TET1: variants seen among roughly 807,000 people sequenced by gnomAD.
TET1 encodes tet methylcytosine dioxygenase 1, also known as methylcytosine dioxygenase TET1.
In TET1, 13 loss-of-function variants were observed where a neutral mutation model predicts 148.7. That is an observed-to-expected ratio of 0.09 (90% CI 0.06 to 0.14). TET1 has a LOEUF of 0.14. TET1 is among the 10% of genes least tolerant of loss of function. TET1 has a pLI of 1.00. For synonymous variants in TET1, 907 were observed against 937.2 expected (o/e 0.97, Z 0.59); for missense variants, 2,182 against 2,553.8 (o/e 0.85, Z 3.14).
chr10:68,561,990 C>G (rs79507237), intron 1 of TET1, among the ~76,000 whole-genome samples: 9,609 of 152,182 alleles, frequency 0.063, 769 homozygotes, highest in African/African-American at 0.19. Context: ...CCCTCCGTCC[C>G]GGTTCCACTC....
intron 3 of TET1, among the ~76,000 whole-genome samples, chr10:68,616,881 G>A (rs532954528): frequency 1.9e-3 from 278 of 149,254 alleles, no homozygotes; most frequent in Non-Finnish European, 2.3e-3. Context: ...CTAATTTTTT[G>A]TATTTTTAGT....
intron 3 of TET1, chr10:68,632,667 A>G: frequency 6.2e-7 from 1 of 1,600,796 alleles, no homozygotes; most frequent in Non-Finnish European, 8.6e-7. Context: ...AAAAGAAGAT[A>G]TTATATGAAG....
intron 11 of TET1, among the ~76,000 whole-genome samples, chr10:68,687,288 G>A (rs1250936908): frequency 6.6e-6 from 1 of 151,856 alleles, no homozygotes; most frequent in Non-Finnish European, 1.5e-5. Flanking sequence ...GGCTTGGCAC[G>A]CCTTGGCTTA....
intron 3 of TET1, among the ~76,000 whole-genome samples, chr10:68,636,105 A>C (rs2054646685): frequency 1.3e-5 from 2 of 152,204 alleles, no homozygotes; most frequent in African/African-American, 4.8e-5. Context: ...GTAGAATGAC[A>C]GTTTGAGGCA....
intron 10 of TET1, among the ~76,000 whole-genome samples, chr10:68,685,726 A>G (rs2055499584): frequency 6.6e-6 from 1 of 152,192 alleles, no homozygotes; most frequent in Admixed American, 6.5e-5. Context: ...ATTTAAGATG[A>G]AAAAAGTTGG....
chr10:68,677,678 T>C (rs2055379323), intron 8 of TET1, among the ~76,000 whole-genome samples: 1 of 152,116 alleles, frequency 6.6e-6, no homozygotes, highest in African/African-American at 2.4e-5. Context: ...AGACGGAGTT[T>C]CGGTCTTGCC....
intron 1 of TET1, among the ~76,000 whole-genome samples, chr10:68,570,091 C>T (rs898958463): frequency 6.6e-6 from 1 of 151,592 alleles, no homozygotes; most frequent in African/African-American, 2.4e-5. Flanking sequence ...ACATAGTACC[C>T]AAAAGTTTTT....
chr10:68,562,687 C>T (rs2053566723), intron 1 of TET1, among the ~76,000 whole-genome samples: 1 of 150,412 alleles, frequency 6.6e-6, no homozygotes, highest in Non-Finnish European at 1.5e-5. Context: ...TTAACTATCG[C>T]TCTCCGGGCT....
At chr10:68,599,591 C>T (rs995603680) in intron 2 of TET1, among the ~76,000 whole-genome samples, 5 of 152,174 alleles carry the variant, frequency 3.3e-5, no homozygotes, top group Non-Finnish European at 5.9e-5. Flanking sequence ...AGGTGTGTGT[C>T]GGGAGATGGT....
intron 2 of TET1, among the ~76,000 whole-genome samples, chr10:68,575,386 A>AAAATAAATAAAT (rs72033179): frequency 0.041 from 6,110 of 148,766 alleles, 293 homozygotes; most frequent in African/African-American, 0.11. Flanking sequence ...CTCTGTCTCA[A>AAAATAAATAAAT]AAATAAATAA....
chr10:68,622,650 C>T lies in TET1; in HGVS notation c.1968+21616C>T, dbSNP rs537053538. ...CAGTGTTGAACAGTTCCACAGTCCT[C>T]TTTCAACATAGTTTCTCAGTGTTTG... is the stretch of plus-strand genomic sequence containing the variant. On this transcript the variant is annotated intron_variant, in intron 3 of 11. Transcript: ENST00000373644. Among the ~76,000 whole-genome samples the T allele has an allele frequency of 3.9e-5, 6 of 152,048 alleles. No homozygotes were observed. In the South Asian group the frequency reaches 1.2e-3, roughly 32 times the overall value.
intron 2 of TET1, among the ~76,000 whole-genome samples, chr10:68,596,027 C>CATATATAT (rs1554932889): frequency 0.015 from 928 of 61,650 alleles, 33 homozygotes; most frequent in African/African-American, 0.049. Flanking sequence ...CACACACACA[C>CATATATAT]ATATATATAT....
At chr10:68,616,631 G>A (rs1294540981) in intron 3 of TET1, among the ~76,000 whole-genome samples, 1 of 151,958 alleles carries the variant, frequency 6.6e-6, no homozygotes, top group Non-Finnish European at 1.5e-5. Context: ...AAACTTTTGG[G>A]CTCACACGAT....
intron 3 of TET1, among the ~76,000 whole-genome samples, chr10:68,607,408 G>GTT (rs34173669): frequency 2.0e-5 from 3 of 147,088 alleles, no homozygotes; most frequent in East Asian, 2.0e-4. Context: ...TGGATCTTAA[G>GTT]TTTTTTTTTT....
chr10:68,630,763 A>G (rs1388493438), intron 3 of TET1, among the ~76,000 whole-genome samples: 1 of 152,204 alleles, frequency 6.6e-6, no homozygotes, highest in Non-Finnish European at 1.5e-5. Context: ...GAGAGATTGG[A>G]CAGAGGGCAT....
chr10:68,691,350 G>A lies in TET1; in HGVS notation c.5947G>A (p.Ala1983Thr). 1 of 1,614,170 alleles carries A rather than the reference G, an allele frequency of 6.2e-7. No homozygotes were observed. The highest frequency in any genetic ancestry group is 8.5e-7 in the Non-Finnish European group (1 of 1,180,036). The change falls in exon 12 of 12, where the codon GCT (alanine) becomes ACT (threonine). Residue 1983 changes from alanine (A) to threonine (T), a missense_variant. Transcript: ENST00000373644. The surrounding 1 kb of genome is among the most constrained non-coding windows in gnomAD (Gnocchi z 4.4). ...CCTATCTGATGACCCCCTGTCACCT[G>A]CTGAGGAGAAATTGCCCCACATTGA... The part of the protein sequence containing the change: ...EPLSDDPLSP[A>T]EEKLPHIDEY...
chr10:68,561,784 G>T (rs1413354184), intron 1 of TET1, among the ~76,000 whole-genome samples: 1 of 146,704 alleles, frequency 6.8e-6, no homozygotes, highest in Non-Finnish European at 1.5e-5. Context: ...GAAGTGGTCT[G>T]GAAGGGACTG....
rs755138758 is a variant in TET1, at chr10:68,574,028, A to G, written c.1690A>G (p.Met564Val). Residue 564 changes from methionine (M) to valine (V), a missense_variant, in exon 2 of 12, where the codon ATG becomes GTG. Met to Val is a conservative substitution (Grantham distance 21). Around this residue, in one of 11 missense-constraint regions of TET1, gnomAD observed 665 missense variants for 672.4 expected, o/e 0.99. Coordinates refer to ENST00000373644, the MANE Select transcript of TET1 (RefSeq NM_030625.3). ...VHVVNTTVVT[M>V]PVPMVSTSSS... ...TGTTGTCAACACCACAGTGGTGACTATGCCAGTGCCAATGGTCAGTACCTC... is the reference window on the plus strand; with the variant it reads ...TGTTGTCAACACCACAGTGGTGACTGTGCCAGTGCCAATGGTCAGTACCTC... The G allele has an allele frequency of 2.5e-6, 4 of 1,614,176 alleles. No individual in the cohort carries two copies. Among genetic ancestry groups the G allele is most frequent in the Non-Finnish European group, 2.5e-6 (3 of 1,180,036 alleles).
chr10:68,625,144 A>C (rs1013540710), intron 3 of TET1, among the ~76,000 whole-genome samples: 1 of 151,944 alleles, frequency 6.6e-6, no homozygotes, highest in Non-Finnish European at 1.5e-5. Context: ...GATTTTACTC[A>C]TTTTCACTTA....
Sources: gnomAD v4.1 joint callset for allele counts (sites outside exome capture counted in the v4.1 genomes callset) on GRCh38, gnomAD v4.1.1 for gene constraint, gnomAD v4.1.1 regional missense constraint, Gnocchi (gnomAD v3.1) non-coding constraint, MANE v1.5 for transcripts, NCBI Gene and HGNC (gene_info 2026-07-23, HGNC 2026-07-21) for gene names.